Variants in BTBD7 observed in about 807,000 individuals in gnomAD.
BTBD7 encodes the protein BTB domain containing 7.
A neutral mutation model predicts 99.9 loss-of-function variants in BTBD7; 38 were observed. That is an observed-to-expected ratio of 0.38 (90% CI 0.29 to 0.50). The LOEUF (loss-of-function observed/expected upper bound fraction) is 0.50. BTBD7 is among the 20% of genes least tolerant of loss of function. BTBD7 has a pLI of 0.93. For missense variants in BTBD7, 1,170 were observed against 1,394.6 expected, an observed-to-expected ratio of 0.84 and a Z score of 2.57; for synonymous variants, 520 against 511.4, an observed-to-expected ratio of 1.02 and a Z score of -0.23.
intron 3 of BTBD7, 61 bp from the exon 4 acceptor site, chr14:93,264,054 T>C: frequency 2.8e-6 from 4 of 1,448,070 alleles, no homozygotes; most frequent in South Asian, 1.2e-5. Context: ...TGAACATTAG[T>C]GTGCTAGGCA....
Position 93,332,502 on chromosome 14 carries a change from C to G in BTBD7, c.-107+318G>C, listed in dbSNP as rs1031677365. The stretch of plus-strand genomic sequence containing the variant: ...TCGGCGCCCGGAGCCCAAAGCCGGC[C>G]GGGCTGCCGTCGCGACTCCCTCGGG... On this transcript the variant is annotated intron_variant, in intron 1 of 10. Coordinates refer to ENST00000334746, the MANE Select transcript of BTBD7 (RefSeq NM_001002860.4). Among the ~76,000 whole-genome samples the G allele has an allele frequency of 8.3e-4, 126 of 152,016 alleles. 1 individual carries two copies. Among genetic ancestry groups the G allele is most frequent in the Non-Finnish European group, 1.5e-3 (105 of 67,950 alleles).
At chr14:93,255,792 G>T (rs1045423560) in intron 6 of BTBD7, 1 of 152,100 alleles carries the variant, frequency 6.6e-6, no homozygotes, top group East Asian at 1.9e-4. Flanking sequence ...CACCACGCCC[G>T]GCCACTATAC....
At chr14:93,282,160 T>C (rs2052727610) in intron 3 of BTBD7, among the ~76,000 whole-genome samples, 1 of 152,196 alleles carries the variant, frequency 6.6e-6, no homozygotes, top group Non-Finnish European at 1.5e-5. Flanking sequence ...AGGTATTCCA[T>C]AAAAAGATCT....
At chr14:93,264,109 A>C in intron 3 of BTBD7, 116 bp from the exon 4 acceptor site, 2 of 885,242 alleles carry the variant, frequency 2.3e-6, no homozygotes, top group Non-Finnish European at 3.4e-6. Context: ...CAAGGAGATA[A>C]ATAAAATCTC....
intron 1 of BTBD7, among the ~76,000 whole-genome samples, chr14:93,317,899 G>A (rs1419380884): frequency 6.6e-6 from 1 of 152,338 alleles, no homozygotes; most frequent in East Asian, 1.9e-4. Flanking sequence ...CCTGGGCAGT[G>A]AGTCTCTTAT....
intron 1 of BTBD7, among the ~76,000 whole-genome samples, chr14:93,304,282 T>G (rs2053043800): frequency 6.6e-6 from 1 of 152,196 alleles, no homozygotes; most frequent in Admixed American, 6.5e-5. Context: ...GGCTTGAGAG[T>G]GTACAGAAAG....
At chr14:93,287,462 TTAAA>T (rs34728427) in intron 3 of BTBD7, among the ~76,000 whole-genome samples, 25,239 of 151,824 alleles carry the variant, frequency 0.17, 2,279 homozygotes, top group East Asian at 0.3. Context: ...GTGTTTATAA[TTAAA>T]TAGTGCTTAC....
At chr14:93,329,996 C>T (rs1297472586) in intron 1 of BTBD7, among the ~76,000 whole-genome samples, 1 of 152,196 alleles carries the variant, frequency 6.6e-6, no homozygotes, top group Admixed American at 6.5e-5. Flanking sequence ...CAGATATCTG[C>T]TATCCAAATC....
At chr14:93,330,984 C>T (rs1161417496) in intron 1 of BTBD7, among the ~76,000 whole-genome samples, 1 of 152,104 alleles carries the variant, frequency 6.6e-6, no homozygotes, top group Non-Finnish European at 1.5e-5. Context: ...GAATATTGAC[C>T]TATGAGTTTT....
In BTBD7 at chr14:93,242,790, C is replaced by A. The variant is rs745533607; in HGVS notation, c.2882G>T (p.Ser961Ile). 6.2e-7 allele frequency: 1 copy of A among 1,614,066 alleles called. No individual in the cohort carries two copies. The highest frequency in any genetic ancestry group is 8.5e-7 in the Non-Finnish European group (1 of 1,180,044). The change falls in exon 11 of 11, where the codon AGC becomes ATC. Residue 961 changes from serine to isoleucine, a missense_variant. Physicochemically the swap from Ser to Ile is moderately radical, Grantham distance 142 (BLOSUM62 -2). Transcript: ENST00000334746. ...AACRPSTPALSRRTPSPSQGG... is the reference protein window; with the variant it reads ...AACRPSTPALIRRTPSPSQGG... ...TTGCGAAGGGGAAGGGGTGCGTCTG[C>A]TGAGAGCAGGAGTAGAAGGTCTGCA...
intron 1 of BTBD7, among the ~76,000 whole-genome samples, chr14:93,324,436 G>A (rs924618357): frequency 7.0e-5 from 6 of 86,236 alleles, no homozygotes; most frequent in African/African-American, 2.7e-4. Context: ...AAAAAAAAAA[G>A]AGATTTTTGA....
intron 1 of BTBD7, among the ~76,000 whole-genome samples, chr14:93,303,686 T>C (rs1481016938): frequency 6.6e-6 from 1 of 152,244 alleles, no homozygotes; most frequent in Non-Finnish European, 1.5e-5. Context: ...GTGGCTGCAC[T>C]GTGAAGACAC....
intron 1 of BTBD7, among the ~76,000 whole-genome samples, chr14:93,312,548 C>T (rs1566862044): frequency 6.6e-6 from 1 of 152,150 alleles, no homozygotes; most frequent in Non-Finnish European, 1.5e-5. Flanking sequence ...AATGTGTGTT[C>T]TGAGCTAGGG....
intron 7 of BTBD7, 35 bp downstream of exon 7, chr14:93,253,612 A>G: frequency 6.3e-7 from 1 of 1,582,500 alleles, no homozygotes; most frequent in Non-Finnish European, 8.6e-7. Context: ...GGTTTGTAAT[A>G]AAGTAGTCTA....
intron 3 of BTBD7, among the ~76,000 whole-genome samples, chr14:93,280,503 G>A (rs764386475): frequency 4.6e-5 from 7 of 152,188 alleles, no homozygotes; most frequent in Non-Finnish European, 1.0e-4. Context: ...ACTTTCAGAT[G>A]TATGTATATT....
chr14:93,258,556 C>A (rs2052455236), intron 5 of BTBD7, among the ~76,000 whole-genome samples: 1 of 151,972 alleles, frequency 6.6e-6, no homozygotes, highest in South Asian at 2.1e-4. Flanking sequence ...CTTCCACTAA[C>A]CCAGTGTGGA....
chr14:93,319,906 CAG>C (rs1241115064), intron 1 of BTBD7, among the ~76,000 whole-genome samples: 1 of 152,058 alleles, frequency 6.6e-6, no homozygotes, highest in Non-Finnish European at 1.5e-5. Context: ...AGTTGAATAA[CAG>C]AGAACAAGAA....
intron 1 of BTBD7, among the ~76,000 whole-genome samples, chr14:93,322,700 A>C (rs2053283548): frequency 6.6e-6 from 1 of 152,248 alleles, no homozygotes; most frequent in South Asian, 2.1e-4. Flanking sequence ...AAAAGCTAAC[A>C]ACCAGACATC....
At chr14:93,267,462 C>T (rs2052554983) in intron 3 of BTBD7, among the ~76,000 whole-genome samples, 1 of 152,222 alleles carries the variant, frequency 6.6e-6, no homozygotes, top group South Asian at 2.1e-4. Flanking sequence ...CTCAAACAGT[C>T]TGGAGTACCT....
Sources: gnomAD v4.1 joint callset for allele counts (sites outside exome capture counted in the v4.1 genomes callset) on GRCh38, gnomAD v4.1.1 for gene constraint, MANE v1.5 for transcripts, NCBI Gene and HGNC (gene_info 2026-07-23, HGNC 2026-07-21) for gene names.